UGT1A7: variants seen among roughly 807,000 people sequenced by gnomAD.
The protein encoded by UGT1A7 is UDP-glucuronosyltransferase 1A7.
In UGT1A7, 33 loss-of-function variants were observed where a neutral mutation model predicts 45.6. The ratio of observed to expected loss-of-function variants is 0.72; its 90% CI spans 0.55 to 0.97. The LOEUF is 0.97. Among genes scored for constraint, UGT1A7 ranks in the 50% least tolerant of loss-of-function variants. The pLI is 0.00. For synonymous variants in UGT1A7, 274 were observed against 250.6 expected (o/e 1.09, Z -0.88); for missense variants, 684 against 666.2 (o/e 1.03, Z -0.29).
At chr2:233,765,849 A>G (rs548142757) in intron 1 of UGT1A7, among the ~76,000 whole-genome samples, 8 of 152,220 alleles carry the variant, frequency 5.3e-5, no homozygotes, top group African/African-American at 1.7e-4. Flanking sequence ...TGTCCCCCTC[A>G]CAGAGCATGT....
At chr2:233,724,602 G>A (rs1229954806) in intron 1 of UGT1A7, among the ~76,000 whole-genome samples, 3 of 135,486 alleles carry the variant, frequency 2.2e-5, no homozygotes, top group Admixed American at 7.3e-5. Flanking sequence ...CAGACGATGG[G>A]CGGCCGGGCA....
rs552536149 is a variant in UGT1A7 at position 233,737,258 on chromosome 2, C to T, written c.856-29776C>T. Among the ~76,000 whole-genome samples, 3 of 152,360 alleles carry T rather than the reference C, an allele frequency of 2.0e-5. No individual in the cohort carries two copies. In the East Asian group the frequency reaches 5.8e-4, roughly 29 times the overall value. On this transcript the variant is annotated intron_variant, in intron 1 of 4. Coordinates refer to ENST00000373426, the MANE Select transcript of UGT1A7 (RefSeq NM_019077.3). Reference sequence around the variant, plus strand: ...CTTTGTTTACCTACTCAAGCCTCAGCAATGGCGGACACCCCTCACCCAGCC... The same window carrying T: ...CTTTGTTTACCTACTCAAGCCTCAGTAATGGCGGACACCCCTCACCCAGCC...
At position 233,692,977 on chromosome 2, in the gene UGT1A7, T is replaced by A. The variant is rs748283571; in HGVS notation, c.855+10185T>A. The A allele has an allele frequency of 8.7e-6, 14 of 1,612,662 alleles. No homozygotes were observed. The East Asian group carries it at 3.1e-4, about 36-fold the overall frequency. On this transcript the variant is annotated intron_variant, in intron 1 of 4. Transcript: ENST00000373426. ...GATTTGGAGAGTGAAAACTCTTTAT[T>A]ACCGTTGTTACTTTAACTCTTTCCA...
intron 1 of UGT1A7, chr2:233,750,533 C>A (rs761988421): frequency 6.6e-6 from 1 of 151,942 alleles, no homozygotes; most frequent in Non-Finnish European, 1.5e-5. Flanking sequence ...GGGAAAATGG[C>A]TTCAGTGCAC....
At chr2:233,727,703 C>T (rs944124074) in intron 1 of UGT1A7, among the ~76,000 whole-genome samples, 2 of 152,208 alleles carry the variant, frequency 1.3e-5, no homozygotes, top group Non-Finnish European at 2.9e-5. Context: ...CTGGACAGTT[C>T]CCAAAGCCCT....
intron 1 of UGT1A7, chr2:233,722,085 C>T: frequency 4.6e-6 from 1 of 216,028 alleles, no homozygotes; most frequent in Non-Finnish European, 9.4e-6. Context: ...TTTCACAGAT[C>T]ACCTTAGGCC....
chr2:233,694,315 TC>T (rs1553606365), intron 1 of UGT1A7, among the ~76,000 whole-genome samples: 16 of 152,054 alleles, frequency 1.1e-4, no homozygotes, highest in African/African-American at 3.9e-4. Flanking sequence ...TTTTTTTTTT[TC>T]CTTTTATGTT....
intron 1 of UGT1A7, among the ~76,000 whole-genome samples, chr2:233,717,017 A>C (rs1321283175): frequency 2.0e-5 from 3 of 152,130 alleles, no homozygotes; most frequent in Non-Finnish European, 4.4e-5. Flanking sequence ...CTCTGAAGGC[A>C]CCACCATCTT....
chr2:233,771,951 C>G (rs1331596370), intron 4 of UGT1A7, among the ~76,000 whole-genome samples: 6 of 152,070 alleles, frequency 3.9e-5, no homozygotes, highest in Admixed American at 2.0e-4. Context: ...CTTGTTTCTA[C>G]AAAAAATTTA....
intron 1 of UGT1A7, among the ~76,000 whole-genome samples, chr2:233,735,842 C>G (rs2078702180): frequency 6.6e-6 from 1 of 152,078 alleles, no homozygotes; most frequent in Non-Finnish European, 1.5e-5. Flanking sequence ...TTGGCCCCCA[C>G]TCTCTTCTGT....
intron 1 of UGT1A7, chr2:233,760,692 G>A (rs541943163): frequency 1.2e-6 from 2 of 1,614,200 alleles, no homozygotes; most frequent in South Asian, 1.1e-5. Flanking sequence ...ACAACAAGGA[G>A]CTCATGGCCT....
At chr2:233,713,877 A>G in intron 1 of UGT1A7, 2 of 1,613,698 alleles carry the variant, frequency 1.2e-6, no homozygotes, top group Non-Finnish European at 1.7e-6. Flanking sequence ...TGGTGCCTTT[A>G]TCCAATCAAT....
chr2:233,729,663 T>C (rs137893400), intron 1 of UGT1A7: 1,316 of 1,613,944 alleles, frequency 8.2e-4, no homozygotes, highest in Non-Finnish European at 1.0e-3. Context: ...TTCCATGTGA[T>C]TTAGACTTTA....
At chr2:233,748,742 C>T (rs533880197) in intron 1 of UGT1A7, among the ~76,000 whole-genome samples, 32 of 151,508 alleles carry the variant, frequency 2.1e-4, no homozygotes, top group African/African-American at 6.3e-4. Flanking sequence ...TCTCAGAGTT[C>T]GGAAGGCATA....
rs149047303 is a variant in UGT1A7, at chr2:233,763,705, A to G, written c.856-3329A>G. Among the ~76,000 whole-genome samples, 745 of 152,324 alleles carry G rather than the reference A, an allele frequency of 4.9e-3. 10 individuals carry two copies. Among genetic ancestry groups the G allele is most frequent in the African/African-American group, 0.017 (698 of 41,584 alleles). ...AAGATAAAACTTTTATTGCACAAAG[A>G]AGTCCATAGAGAAAGCACAACCTGG... On this transcript the variant is annotated intron_variant, in intron 1 of 4. Coordinates refer to ENST00000373426, the MANE Select transcript of UGT1A7 (RefSeq NM_019077.3).
In UGT1A7 at chr2:233,724,597, G is replaced by T. The variant is rs1338204935; in HGVS notation, c.855+41805G>T. The stretch of plus-strand genomic sequence containing the variant: ...CAGAGGCGCTCCCCACATCTCAGAC[G>T]ATGGGCGGCCGGGCAGAGACGCTCC... On this transcript the variant is annotated intron_variant, in intron 1 of 4. Coordinates refer to ENST00000373426, the MANE Select transcript of UGT1A7 (RefSeq NM_019077.3). Among the ~76,000 whole-genome samples the T allele has an allele frequency of 7.7e-3, 1,007 of 130,776 alleles. 47 individuals are homozygous for T. Among genetic ancestry groups the T allele is most frequent in the African/African-American group, 0.029 (930 of 32,516 alleles). 85.8% of individuals were successfully genotyped at this position (130,776 alleles called of 152,430 possible).
chr2:233,709,412 A>G (rs2076075448), intron 1 of UGT1A7, among the ~76,000 whole-genome samples: 1 of 152,214 alleles, frequency 6.6e-6, no homozygotes, highest in African/African-American at 2.4e-5. Flanking sequence ...TGAACACTCA[A>G]TAAGAATGTC....
At chr2:233,735,447 G>A (rs1470432521) in intron 1 of UGT1A7, among the ~76,000 whole-genome samples, 4 of 152,136 alleles carry the variant, frequency 2.6e-5, no homozygotes, top group Non-Finnish European at 5.9e-5. Flanking sequence ...ATACCGATGG[G>A]CCTTGACTCT....
chr2:233,725,091 G>T (rs1474788345), intron 1 of UGT1A7, among the ~76,000 whole-genome samples: 2 of 144,822 alleles, frequency 1.4e-5, no homozygotes, highest in African/African-American at 5.2e-5. Context: ...GCAGGCTGAG[G>T]CAGGAGAATC....
Sources: gnomAD v4.1 joint callset for allele counts (sites outside exome capture counted in the v4.1 genomes callset) on GRCh38, gnomAD v4.1.1 for gene constraint, MANE v1.5 for transcripts, NCBI Gene and HGNC (gene_info 2026-07-23, HGNC 2026-07-21) for gene names.